The following NFKB1 variants were observed in gnomAD, a reference collection of about 807,000 sequenced individuals.
NFKB1 encodes nuclear factor kappa B subunit 1, also known as nuclear factor NF-kappa-B p105 subunit.
NFKB1 carries 9 observed loss-of-function variants against 105.1 expected under a neutral mutation model. The observed-to-expected ratio is 0.09, with a 90% CI of 0.05 to 0.15. The LOEUF (loss-of-function observed/expected upper bound fraction) is 0.15. Ranked by LOEUF, NFKB1 falls within the 10% of genes least tolerant of loss-of-function variation. NFKB1 has a pLI of 1.00. For synonymous variants in NFKB1, 440 were observed against 442.2 expected, an observed-to-expected ratio of 1.00 and a Z score of 0.06; for missense variants, 830 against 1,203.7, an observed-to-expected ratio of 0.69 and a Z score of 4.59.
chr4:102,615,644 T>C (rs1468043602), intron 23 of NFKB1, among the ~76,000 whole-genome samples: 1 of 152,200 alleles, frequency 6.6e-6, no homozygotes, highest in Non-Finnish European at 1.5e-5. Flanking sequence ...AGCCCTTAAT[T>C]TGTAGTTATT....
chr4:102,559,089 C>A (rs230507), intron 5 of NFKB1, among the ~76,000 whole-genome samples: 104,601 of 151,774 alleles, frequency 0.69, 36,686 homozygotes, highest in African/African-American at 0.81. Context: ...TAGAAAGTGC[C>A]AAAGCTAAGA....
chr4:102,520,383 C>G (rs1184677564), intron 1 of NFKB1, among the ~76,000 whole-genome samples: 1 of 152,092 alleles, frequency 6.6e-6, no homozygotes, highest in Non-Finnish European at 1.5e-5. Flanking sequence ...GTGTATTATA[C>G]TCGGTGTTAA....
chr4:102,566,757 T>G (rs968014799), intron 5 of NFKB1, among the ~76,000 whole-genome samples: 1 of 152,166 alleles, frequency 6.6e-6, no homozygotes, highest in Non-Finnish European at 1.5e-5. Flanking sequence ...GTGGCCTGCT[T>G]CTTGGAGTGT....
intron 11 of NFKB1, among the ~76,000 whole-genome samples, chr4:102,587,441 C>T (rs4648043): frequency 0.023 from 3,448 of 152,034 alleles, 62 homozygotes; most frequent in African/African-American, 0.058. Flanking sequence ...AACCTAGAAA[C>T]ATTCAAAGCT....
At chr4:102,602,532 C>G (rs1485492663) in intron 16 of NFKB1, among the ~76,000 whole-genome samples, 1 of 147,372 alleles carries the variant, frequency 6.8e-6, no homozygotes, top group Non-Finnish European at 1.5e-5. Flanking sequence ...GAGTGACGCT[C>G]TGTCTCAAAA....
Position 102,613,462 on chromosome 4 carries a change from T to C in NFKB1, c.2630T>C (p.Leu877Pro), listed in dbSNP as rs200451929. Reference protein sequence around the residue: ...GGTVRELVEALRQMGYTEAIE... With the variant: ...GGTVRELVEAPRQMGYTEAIE... ...ACAGTCAGAGAGCTGGTGGAGGCCC[T>C]GAGACAAATGGGCTACACCGAAGCA... is the stretch of plus-strand genomic sequence containing the variant. The change falls in exon 23 of 24, where the codon CTG becomes CCG. Residue 877 changes from leucine to proline, a missense_variant. By Grantham distance (98) the Leu-to-Pro change is moderately conservative. Transcript: ENST00000226574. 6.2e-7 allele frequency: 1 copy of C among 1,613,940 alleles called. No individual in the cohort carries two copies. Among genetic ancestry groups the C allele is most frequent in the African/African-American group, 1.3e-5 (1 of 74,986 alleles).
At chr4:102,593,257 T>G (rs1209580959) in intron 11 of NFKB1, 168 bp from the exon 12 acceptor site, 6 of 655,474 alleles carry the variant, frequency 9.2e-6, no homozygotes. Flanking sequence ...TTCATACCCA[T>G]TGGAATAAAT....
At chr4:102,594,571 A>G (rs761910749) in intron 12 of NFKB1, among the ~76,000 whole-genome samples, 35 of 152,290 alleles carry the variant, frequency 2.3e-4, no homozygotes, top group Non-Finnish European at 5.1e-4. Flanking sequence ...TGTCTTCTAC[A>G]TAGGCAAGTC....
At chr4:102,507,549 G>A (rs753046784) in intron 1 of NFKB1, among the ~76,000 whole-genome samples, 73 of 151,812 alleles carry the variant, frequency 4.8e-4, no homozygotes, top group African/African-American at 1.5e-3. Context: ...TGATCCACCC[G>A]CCTCAGCCTC....
At position 102,505,709 on chromosome 4, in the gene NFKB1, TAAAG is replaced by T. The variant is rs572549264; in HGVS notation, c.-8+3925_-8+3928del. ...ATAGCCAAAATTATAAAAAATGAAA[TAAAG>T]AAAAAGCTGTTTGAGAGAATCAAAT... On this transcript the variant is annotated intron_variant, in intron 1 of 23. Coordinates refer to ENST00000226574, the MANE Select transcript of NFKB1 (RefSeq NM_003998.4). 1.5e-3 allele frequency among the ~76,000 whole-genome samples: 226 copies of T among 152,102 alleles called. 1 individual carries two copies. Among genetic ancestry groups the T allele is most frequent in the African/African-American group, 5.2e-3 (215 of 41,524 alleles).
intron 5 of NFKB1, 81 bp from the exon 6 acceptor site, chr4:102,566,906 A>T (rs996675916): frequency 6.9e-7 from 1 of 1,444,012 alleles, no homozygotes; most frequent in Admixed American, 1.7e-5. Flanking sequence ...TACTTTTTAT[A>T]CTTACTGGCT....
At chr4:102,613,340 G>A (rs765589576) in intron 22 of NFKB1, 85 bp from the exon 23 acceptor site, 7 of 1,421,204 alleles carry the variant, frequency 4.9e-6, no homozygotes, top group Non-Finnish European at 6.8e-6. Flanking sequence ...CAGCATGGAA[G>A]AGGGAAGGGT....
chr4:102,584,385 T>C (rs758221173), intron 10 of NFKB1, among the ~76,000 whole-genome samples: 9 of 152,208 alleles, frequency 5.9e-5, no homozygotes, highest in Admixed American at 1.3e-4. Flanking sequence ...TGCAGTGAAT[T>C]TTATAAGCAT....
At chr4:102,546,899 A>G (rs1722181840) in intron 5 of NFKB1, among the ~76,000 whole-genome samples, 2 of 152,198 alleles carry the variant, frequency 1.3e-5, no homozygotes, top group South Asian at 4.1e-4. Flanking sequence ...CCCAATTCTT[A>G]CAGATTCAGA....
At chr4:102,544,837 T>G (rs902415940) in intron 5 of NFKB1, among the ~76,000 whole-genome samples, 1 of 152,166 alleles carries the variant, frequency 6.6e-6, no homozygotes, top group African/African-American at 2.4e-5. Context: ...ACTCCTTGAA[T>G]TTAAGAACTG....
At chr4:102,598,425 C>G (rs1203369409) in intron 15 of NFKB1, among the ~76,000 whole-genome samples, 1 of 152,162 alleles carries the variant, frequency 6.6e-6, no homozygotes, top group Non-Finnish European at 1.5e-5. Flanking sequence ...ATAGAGAAAT[C>G]CTTTTCTGTG....
chr4:102,613,824 A>G (rs1728676161), intron 23 of NFKB1, among the ~76,000 whole-genome samples: 1 of 152,214 alleles, frequency 6.6e-6, no homozygotes, highest in Non-Finnish European at 1.5e-5. Context: ...AAATAATACA[A>G]TAAATACTAA....
Position 102,578,010 on chromosome 4 carries a change from C to T in NFKB1, c.572-871C>T, listed in dbSNP as rs923314059. 4 of 984,998 alleles carry T rather than the reference C, an allele frequency of 4.1e-6. No homozygotes were observed. In the African/African-American group the frequency reaches 7.0e-5, roughly 17 times the overall value. 61.0% of individuals were successfully genotyped at this position (984,998 alleles called of 1,614,324 possible). A position where few individuals can be genotyped will look rare whatever the true frequency, so the allele number is the denominator to read the frequency against. ...CTTTTTGGATCTCCCAAGAGCTGGC[C>T]TCAGGCTGCATTTCCAATCTATTTC... On this transcript the variant is annotated intron_variant, in intron 7 of 23. Transcript: ENST00000226574.
At chr4:102,581,560 G>A (rs1381934241) in intron 9 of NFKB1, among the ~76,000 whole-genome samples, 2 of 152,084 alleles carry the variant, frequency 1.3e-5, no homozygotes, top group African/African-American at 4.8e-5. Context: ...AGGCTGAGGT[G>A]GGAGGATTGC....
Sources: allele counts gnomAD v4.1 joint callset (sites outside exome capture counted in the v4.1 genomes callset), GRCh38; gene constraint gnomAD v4.1.1; transcripts MANE v1.5; gene names NCBI Gene and HGNC (gene_info 2026-07-23, HGNC 2026-07-21).